Variants in ZCCHC14 observed in about 807,000 individuals in gnomAD.
ZCCHC14 encodes the protein zinc finger CCHC-type containing 14.
Under a neutral mutation model 85.0 loss-of-function variants are expected in ZCCHC14, and 16 were observed. The ratio of observed to expected loss-of-function variants is 0.19; its 90% CI spans 0.13 to 0.29. ZCCHC14 has a LOEUF of 0.29. Among genes scored for constraint, ZCCHC14 ranks in the 10% least tolerant of loss-of-function variants. The probability of loss-of-function intolerance (pLI) is 1.00; values close to 1 mark genes in which losing one functional copy is unlikely to be tolerated. For synonymous variants in ZCCHC14, 775 were observed against 630.7 expected (o/e 1.23, Z -3.43); for missense variants, 1,303 against 1,443.5 (o/e 0.90, Z 1.58).
At chr16:87,475,837 G>C (rs1911982355) in intron 1 of ZCCHC14, among the ~76,000 whole-genome samples, 2 of 152,142 alleles carry the variant, frequency 1.3e-5, no homozygotes, top group African/African-American at 4.8e-5. Context: ...AAACATTTTG[G>C]AGAAATTATG....
intron 3 of ZCCHC14, among the ~76,000 whole-genome samples, chr16:87,431,341 C>T (rs895821950): frequency 4.6e-5 from 7 of 151,566 alleles, no homozygotes; most frequent in Admixed American, 1.3e-4. Flanking sequence ...GGCATGGTGG[C>T]GGGCACCTGT....
At position 87,419,979 on chromosome 16, in the gene ZCCHC14, A is replaced by AG. The variant is rs1597403521; in HGVS notation, c.951-103dup. On this transcript the variant is annotated intron_variant, in intron 5 of 12. Coordinates refer to ENST00000671377, the MANE Select transcript of ZCCHC14 (RefSeq NM_015144.3). ...TTTAATCAAGAGAAATGTGTATTAG[A>AG]GGAAAAAAGCCAGAAGTGCCAGAGC... The AG allele has an allele frequency of 1.4e-5, 14 of 973,244 alleles. No individual in the cohort carries two copies. The East Asian group carries it at 3.6e-4, about 25-fold the overall frequency. The allele number at this position is 973,244 out of a possible 1,614,324, so 60.3% of individuals were successfully genotyped here. A position where few individuals can be genotyped will look rare whatever the true frequency, so the allele number is the denominator to read the frequency against.
At chr16:87,486,444 C>A (rs1912515153) in intron 1 of ZCCHC14, among the ~76,000 whole-genome samples, 1 of 152,156 alleles carries the variant, frequency 6.6e-6, no homozygotes, top group Non-Finnish European at 1.5e-5. Flanking sequence ...GAGCAACAGG[C>A]TCTACAATGT....
intron 2 of ZCCHC14, among the ~76,000 whole-genome samples, chr16:87,448,179 C>T (rs548649199): frequency 2.1e-4 from 32 of 152,182 alleles, no homozygotes; most frequent in African/African-American, 6.3e-4. Context: ...ATCCAAAATC[C>T]AAAATGCTCC....
At chr16:87,464,365 G>A (rs1388065236) in intron 1 of ZCCHC14, among the ~76,000 whole-genome samples, 3 of 152,190 alleles carry the variant, frequency 2.0e-5, no homozygotes, top group Non-Finnish European at 4.4e-5. Context: ...AAGCTTCTCT[G>A]GTGATTCTAA....
intron 2 of ZCCHC14, among the ~76,000 whole-genome samples, chr16:87,444,038 GA>G (rs56352252): frequency 0.38 from 29,163 of 77,446 alleles, 3,465 homozygotes; most frequent in Non-Finnish European, 0.46. Flanking sequence ...CTCTATCACA[GA>G]AAAAAAAAAA....
chr16:87,467,431 G>A (rs1204137525), intron 1 of ZCCHC14: 3 of 1,603,070 alleles, frequency 1.9e-6, no homozygotes, highest in Non-Finnish European at 2.6e-6. Flanking sequence ...AATATGATTG[G>A]TAATAAAATG....
intron 1 of ZCCHC14, among the ~76,000 whole-genome samples, chr16:87,468,760 C>A (rs1911648572): frequency 6.6e-6 from 1 of 152,202 alleles, no homozygotes; most frequent in African/African-American, 2.4e-5. Context: ...TCGTGGCATG[C>A]AGCCAACGGA....
rs746511480 is a variant in ZCCHC14, at chr16:87,459,993, C to A, written c.694+15G>T. The stretch of plus-strand genomic sequence containing the variant: ...GTCCGTCAGACGTCCTCCTGAAACC[C>A]GTGCGTGCACTCACCTTTGCTGTGT... On this transcript the variant is annotated intron_variant, in intron 2 of 12. Coordinates refer to ENST00000671377, the MANE Select transcript of ZCCHC14 (RefSeq NM_015144.3). 4.3e-6 allele frequency: 7 copies of A among 1,614,022 alleles called. No homozygotes were observed. In the East Asian group the frequency reaches 1.6e-4, roughly 36 times the overall value.
At chr16:87,411,282 G>C (rs753258498) in intron 12 of ZCCHC14, 3 of 1,290,004 alleles carry the variant, frequency 2.3e-6, no homozygotes, top group Non-Finnish European at 3.1e-6. Context: ...GTCCACACTG[G>C]CTAAGCACCT....
intron 6 of ZCCHC14, among the ~76,000 whole-genome samples, chr16:87,419,515 C>A (rs1908978304): frequency 6.6e-6 from 1 of 151,670 alleles, no homozygotes; most frequent in Non-Finnish European, 1.5e-5. Flanking sequence ...ATTGGCCGGG[C>A]TGGTCTTGAA....
Position 87,465,167 on chromosome 16 carries a change from T to C in ZCCHC14, c.571-5036A>G, listed in dbSNP as rs373163823. Among the ~76,000 whole-genome samples, 8 of 152,324 alleles carry C rather than the reference T, an allele frequency of 5.3e-5. No homozygotes were observed. The East Asian group carries it at 1.2e-3, about 22-fold the overall frequency. On this transcript the variant is annotated intron_variant, in intron 1 of 12. Transcript: ENST00000671377. ...AAGCGCCCCTGTGCCTTCCCATCTA[T>C]ACTCAAACGTCCTTCTTAGCAAGAC...
intron 3 of ZCCHC14, among the ~76,000 whole-genome samples, chr16:87,429,971 T>A (rs1356687522): frequency 6.6e-6 from 1 of 152,228 alleles, no homozygotes; most frequent in Non-Finnish European, 1.5e-5. Flanking sequence ...TATAAATCCT[T>A]CATCAGCTAC....
In ZCCHC14 at chr16:87,409,250, T is replaced by A. The variant is rs191790712; in HGVS notation, c.*1030A>T. 2 of 145,396 alleles carry A rather than the reference T, an allele frequency of 1.4e-5. No individual in the cohort carries two copies. The highest frequency in any genetic ancestry group is 4.9e-5 in the African/African-American group (2 of 40,942). 9.0% of individuals were successfully genotyped at this position (145,396 alleles called of 1,614,324 possible). ...CTGATAAATGACAGGACTGTATCAT[T>A]GTTGAAATGTCTGTCTCAGGTGTGA... On this transcript the variant is annotated 3_prime_UTR_variant, in exon 13 of 13. Coordinates refer to ENST00000671377, the MANE Select transcript of ZCCHC14 (RefSeq NM_015144.3).
In ZCCHC14 at chr16:87,420,653, C is replaced by T. The variant is rs377643881; in HGVS notation, c.904G>A (p.Ala302Thr). The T allele has an allele frequency of 3.3e-4, 532 of 1,613,914 alleles. 8 individuals are homozygous for T. In the South Asian group the frequency reaches 5.0e-3, roughly 15 times the overall value. The change falls in exon 5 of 13, where the codon GCA becomes ACA. Residue 302 changes from alanine (A) to threonine (T), a missense_variant. Transcript: ENST00000671377. This position sits in a 1 kb window ranked among gnomAD's most constrained non-coding sequence, Gnocchi z 5.0. ...ACGTGGTTTCGCTCCACATAAAATG[C>T]GTCCGGACCAGCTAAGCAAGGAATG... ...KLIPCLAGPDAFYVERNHVDL... is the reference protein window; with the variant it reads ...KLIPCLAGPDTFYVERNHVDL...
At chr16:87,483,838 C>T (rs1435969540) in intron 1 of ZCCHC14, among the ~76,000 whole-genome samples, 1 of 152,206 alleles carries the variant, frequency 6.6e-6, no homozygotes, top group Admixed American at 6.5e-5. Context: ...GGTAGACTTA[C>T]CTGAATGTGA....
At chr16:87,422,479 C>T (rs1909151736) in intron 4 of ZCCHC14, among the ~76,000 whole-genome samples, 1 of 151,806 alleles carries the variant, frequency 6.6e-6, no homozygotes, top group South Asian at 2.1e-4. Flanking sequence ...AACACCAGTA[C>T]TCTGGGAGGC....
intron 1 of ZCCHC14, chr16:87,471,135 AAT>A (rs1185064025): frequency 2.6e-5 from 4 of 152,246 alleles, no homozygotes; most frequent in African/African-American, 9.6e-5. Flanking sequence ...ACTATGAAAA[AAT>A]AGTGTTTTCA....
intron 2 of ZCCHC14, among the ~76,000 whole-genome samples, chr16:87,449,365 G>A (rs774366145): frequency 1.3e-5 from 2 of 152,190 alleles, no homozygotes; most frequent in Non-Finnish European, 2.9e-5. Flanking sequence ...ATGCAGGGAA[G>A]AGAGGGTGAG....
Sources: gnomAD v4.1 joint callset for allele counts (sites outside exome capture counted in the v4.1 genomes callset) on GRCh38, gnomAD v4.1.1 for gene constraint, Gnocchi (gnomAD v3.1) non-coding constraint, MANE v1.5 for transcripts, NCBI Gene and HGNC (gene_info 2026-07-23, HGNC 2026-07-21) for gene names.